ABCA1: variants seen among roughly 807,000 people sequenced by gnomAD.
The protein encoded by ABCA1 is ATP binding cassette subfamily A member 1.
ABCA1 carries 133 observed loss-of-function variants against 262.5 expected under a neutral mutation model. That is an observed-to-expected ratio of 0.51 (90% confidence interval 0.44 to 0.59). The LOEUF (loss-of-function observed/expected upper bound fraction) is 0.59, where lower values mean the gene tolerates loss of function less well. Ranked by LOEUF, ABCA1 falls within the 20% of genes least tolerant of loss-of-function variation. The probability of loss-of-function intolerance (pLI) is 0.00; values close to 1 mark genes in which losing one functional copy is unlikely to be tolerated. For missense variants in ABCA1, 2,452 were observed against 2,777.5 expected (o/e 0.88, Z 2.63); for synonymous variants, 1,022 against 1,043.5 (o/e 0.98, Z 0.40).
In ABCA1 at chr9:104,856,206, G is replaced by A. The variant is rs1205517434; in HGVS notation, c.720+2316C>T. 5.7e-6 allele frequency: 8 copies of A among 1,411,482 alleles called. No homozygotes were observed. In the African/African-American group the frequency reaches 5.8e-5, roughly 10 times the overall value. The allele number at this position is 1,411,482 out of a possible 1,614,324, so 87.4% of individuals were successfully genotyped here. On this transcript the variant is annotated intron_variant, in intron 7 of 49. Coordinates refer to ENST00000374736, the MANE Select transcript of ABCA1 (RefSeq NM_005502.4). The stretch of plus-strand genomic sequence containing the variant: ...GCCCTGCTTAATTCAATAAGTAAGA[G>A]TCACATTTCAAAATGTTTGGAAGTC...
rs756014509 is a variant in ABCA1 at position 104,788,520 on chromosome 9, G to A, written c.5975C>T (p.Pro1992Leu). 1 of 1,614,164 alleles carries A rather than the reference G, an allele frequency of 6.2e-7. No individual in the cohort carries two copies. The highest frequency in any genetic ancestry group is 8.5e-7 in the Non-Finnish European group (1 of 1,180,008). Residue 1992 changes from proline (P) to leucine (L), a missense_variant, in exon 45 of 50, where the codon CCT (proline) becomes CTT (leucine). Physicochemically the swap from Pro to Leu is moderately conservative, Grantham distance 98. Coordinates refer to ENST00000374736, the MANE Select transcript of ABCA1 (RefSeq NM_005502.4). ...CAGCTCTGTGATGGCATCAAACTGA[G>A]GGCAGTAGCCCATGTTCTGATGTAC... ...HEVHQNMGYC[P>L]QFDAITELLT...
rs375239790 is a variant in ABCA1 at position 104,837,413 on chromosome 9, C to A, written c.1194+15G>T. ...GAGATTCTGGGGAGGGAGTCTTGGG[C>A]TGGGGGCAGCTTACCTCAGCCATGA... is the stretch of plus-strand genomic sequence containing the variant. On this transcript the variant is annotated intron_variant, in intron 10 of 49. Coordinates refer to ENST00000374736, the MANE Select transcript of ABCA1 (RefSeq NM_005502.4). 6.2e-7 allele frequency: 1 copy of A among 1,613,934 alleles called. No homozygotes were observed. The highest frequency in any genetic ancestry group is 1.1e-5 in the South Asian group (1 of 91,066).
rs1412783997 is a variant in ABCA1 at position 104,826,021 on chromosome 9, A to C, written c.2338-134T>G. 8.0e-6 allele frequency: 7 copies of C among 874,396 alleles called. No homozygotes were observed. In the Admixed American group the frequency reaches 8.1e-5, roughly 10 times the overall value. 54.2% of individuals were successfully genotyped at this position (874,396 alleles called of 1,614,324 possible). Reference sequence around the variant, plus strand: ...ATCATAAGGTGCAGAAGTAGTATTTACCTATAGAGTCCCTTTAGGGGAGTG... The same window carrying C: ...ATCATAAGGTGCAGAAGTAGTATTTCCCTATAGAGTCCCTTTAGGGGAGTG... On this transcript the variant is annotated intron_variant, in intron 16 of 49. Transcript: ENST00000374736.
At chr9:104,787,702 T>C (rs1829048365) in intron 46 of ABCA1, 7 of 284,200 alleles carry the variant, frequency 2.5e-5, no homozygotes, top group Non-Finnish European at 3.2e-5. Flanking sequence ...AGAAACAAAG[T>C]GCTTGGAGTG....
At chr9:104,907,502 A>G (rs1841233970) in intron 1 of ABCA1, among the ~76,000 whole-genome samples, 1 of 152,170 alleles carries the variant, frequency 6.6e-6, no homozygotes, top group South Asian at 2.1e-4. Context: ...TTAATTAATT[A>G]AGAGACGGAT....
At chr9:104,848,581 C>G (rs1835102295) in intron 7 of ABCA1, among the ~76,000 whole-genome samples, 1 of 151,178 alleles carries the variant, frequency 6.6e-6, no homozygotes, top group East Asian at 1.9e-4. Flanking sequence ...CGCCAATACA[C>G]TCCAGCCTGG....
rs1286332366 is a variant in ABCA1 at position 104,832,759 on chromosome 9, T to G, written c.1324A>C (p.Ser442Arg). Residue 442 changes from serine to arginine, a missense_variant, in exon 12 of 50, where the codon AGC becomes CGC. Coordinates refer to ENST00000374736, the MANE Select transcript of ABCA1 (RefSeq NM_005502.4). ...TCCCAAAAGTGGTCATTGTCCCTGC[T>G]GTCCAACAGCATCTGCCATTCCAGT... Reference protein sequence around the residue: ...EMDLVRMLLDSRDNDHFWEQQ... With the variant: ...EMDLVRMLLDRRDNDHFWEQQ... 1 of 1,614,122 alleles carries G rather than the reference T, an allele frequency of 6.2e-7. No homozygotes were observed. Among genetic ancestry groups the G allele is most frequent in the South Asian group, 1.1e-5 (1 of 91,090 alleles).
intron 2 of ABCA1, 36 bp downstream of exon 2, chr9:104,903,578 G>T: frequency 1.3e-6 from 2 of 1,552,226 alleles, no homozygotes; most frequent in Non-Finnish European, 1.7e-6. Flanking sequence ...AAGAAAAAAT[G>T]AGAGAACCCC....
At chr9:104,886,969 G>A (rs1839231102) in intron 3 of ABCA1, among the ~76,000 whole-genome samples, 1 of 152,200 alleles carries the variant, frequency 6.6e-6, no homozygotes, top group Non-Finnish European at 1.5e-5. Context: ...AGAAAAGAAG[G>A]TAAGGTTGCA....
At chr9:104,902,786 G>A (rs145737575) in intron 2 of ABCA1, among the ~76,000 whole-genome samples, 1 of 152,054 alleles carries the variant, frequency 6.6e-6, no homozygotes, top group Non-Finnish European at 1.5e-5. Context: ...TTGAATCTCA[G>A]AAAGATGATC....
Position 104,827,106 on chromosome 9 carries a change from C to G in ABCA1, c.2179G>C (p.Val727Leu). The change falls in exon 16 of 50, where the codon GTG (valine) becomes CTG (leucine). Residue 727 changes from valine to leucine, a missense_variant. By Grantham distance (32) the Val-to-Leu change is conservative. Transcript: ENST00000374736. ...VVFVFLSVFA[V>L]VTILQCFLIS... ...AGGAAGCACTGCAGGATTGTCACCACAGCAAACACGGACAGGAAGACAAAC... is the reference window on the plus strand; with the variant it reads ...AGGAAGCACTGCAGGATTGTCACCAGAGCAAACACGGACAGGAAGACAAAC... The G allele has an allele frequency of 6.2e-7, 1 of 1,614,204 alleles. No homozygotes were observed. The highest frequency in any genetic ancestry group is 1.1e-5 in the South Asian group (1 of 91,086).
At chr9:104,896,711 C>CTTTTTTTTTTTTTTT (rs56710442) in intron 2 of ABCA1, among the ~76,000 whole-genome samples, 3 of 37,010 alleles carry the variant, frequency 8.1e-5, no homozygotes, top group African/African-American at 3.2e-4. Flanking sequence ...CCCTACACAT[C>CTTTTTTTTTTTTTTT]TTTTTTTTTT....
At chr9:104,871,484 G>T (rs1309747263) in intron 5 of ABCA1, among the ~76,000 whole-genome samples, 1 of 152,176 alleles carries the variant, frequency 6.6e-6, no homozygotes, top group Non-Finnish European at 1.5e-5. Flanking sequence ...GGGAAAGGAT[G>T]TCCTGGTCAC....
rs1184318862 is a variant in ABCA1, at chr9:104,825,873, A to C, written c.2352T>G (p.Pro784=). 7.4e-6 allele frequency: 12 copies of C among 1,613,980 alleles called. No individual in the cohort carries two copies. In the Admixed American group the frequency reaches 1.7e-4, roughly 22 times the overall value. Reference sequence around the variant, plus strand: ...ACTCACAGCCAAACCCAAAAGCCACAGGAGACAGCAGGCTCTGTGAGAAAC... The same window carrying C: ...ACTCACAGCCAAACCCAAAAGCCACCGGAGACAGCAGGCTCTGTGAGAAAC... The part of the protein sequence containing the change: ...TLKIFASLLS[P]VAFGFGCEYF... Residue 784 remains proline (P), a synonymous_variant, in exon 17 of 50, where the codon CCT becomes CCG. Coordinates refer to ENST00000374736, the MANE Select transcript of ABCA1 (RefSeq NM_005502.4).
intron 5 of ABCA1, among the ~76,000 whole-genome samples, chr9:104,867,447 G>A (rs1261650233): frequency 1.3e-5 from 2 of 152,196 alleles, no homozygotes; most frequent in Admixed American, 1.3e-4. Flanking sequence ...TAACCTTAAA[G>A]CATATTCAGA....
intron 7 of ABCA1, among the ~76,000 whole-genome samples, chr9:104,846,861 A>G (rs1834942811): frequency 6.6e-6 from 1 of 152,170 alleles, no homozygotes. Flanking sequence ...TTCCATAGAG[A>G]GTAATTCATG....
chr9:104,847,737 A>AT (rs1835020398), intron 7 of ABCA1, among the ~76,000 whole-genome samples: 2 of 152,222 alleles, frequency 1.3e-5, no homozygotes, highest in Non-Finnish European at 1.5e-5. Context: ...CCTCATCCTG[A>AT]TTCCTGAAGG....
chr9:104,826,596 T>G (rs1832831207), intron 16 of ABCA1, among the ~76,000 whole-genome samples: 1 of 152,226 alleles, frequency 6.6e-6, no homozygotes, highest in Non-Finnish European at 1.5e-5. Context: ...GGCTTTGTCA[T>G]GAGCTTAACA....
chr9:104,786,538 G>A, intron 47 of ABCA1, 148 bp from the exon 48 acceptor site: 1 of 763,344 alleles, frequency 1.3e-6, no homozygotes, highest in East Asian at 2.6e-5. Context: ...GTTCAGTGTA[G>A]TGGTGTTTAC....
Sources: gnomAD v4.1 joint callset for allele counts (sites outside exome capture counted in the v4.1 genomes callset) on GRCh38, gnomAD v4.1.1 for gene constraint, MANE v1.5 for transcripts, NCBI Gene and HGNC (gene_info 2026-07-23, HGNC 2026-07-21) for gene names.